MARCHF1: variants seen among roughly 807,000 people sequenced by gnomAD.
The protein encoded by MARCHF1 is E3 ubiquitin-protein ligase MARCHF1.
A neutral mutation model predicts 54.2 loss-of-function variants in MARCHF1; 40 were observed. That is an observed-to-expected ratio of 0.74 (90% CI 0.57 to 0.96). The LOEUF (loss-of-function observed/expected upper bound fraction) is 0.96. Among genes scored for constraint, MARCHF1 ranks in the 40% least tolerant of loss-of-function variants. The pLI, the probability that MARCHF1 is intolerant of heterozygous loss-of-function variation, is 0.00. For missense variants in MARCHF1, 586 were observed against 656.5 expected (o/e 0.89, Z 1.17); for synonymous variants, 236 against 236.3 (o/e 1.00, Z 0.01).
intron 9 of MARCHF1, among the ~76,000 whole-genome samples, chr4:163,544,349 C>A (rs1048208634): frequency 6.6e-6 from 1 of 151,982 alleles, no homozygotes; most frequent in Non-Finnish European, 1.5e-5. Flanking sequence ...TAAAAACAAC[C>A]CACAAAACCC....
intron 2 of MARCHF1, among the ~76,000 whole-genome samples, chr4:164,001,268 G>A (rs569557857): frequency 1.3e-5 from 2 of 151,786 alleles, no homozygotes; most frequent in South Asian, 4.1e-4. Flanking sequence ...TAATTTAAAA[G>A]CATGTGGTTA....
intron 1 of MARCHF1, among the ~76,000 whole-genome samples, chr4:164,124,503 T>C (rs1756139337): frequency 1.3e-5 from 2 of 152,152 alleles, no homozygotes; most frequent in South Asian, 2.1e-4. Context: ...GTGTTTATAA[T>C]AGCTAAGATT....
At chr4:163,820,633 C>T (rs1389700) in intron 4 of MARCHF1, among the ~76,000 whole-genome samples, 120,555 of 151,916 alleles carry the variant, frequency 0.79, 48,747 homozygotes, top group South Asian at 0.91. Flanking sequence ...TTCCAGACTA[C>T]TGTTCTTTAT....
chr4:163,839,049 CATA>C (rs1313827971), intron 4 of MARCHF1, among the ~76,000 whole-genome samples: 1 of 151,884 alleles, frequency 6.6e-6, no homozygotes, highest in Admixed American at 6.6e-5. Context: ...ACTCTGACAA[CATA>C]ATAATAGAAA....
rs74356108 is a variant in MARCHF1, at chr4:163,588,137, T to C, written c.1011-2208A>G. ...GCCATCTAAAGTCCCGGGGTGGAAG[T>C]GCTGGGATGAGAACACAGGGAAGGT... On this transcript the variant is annotated intron_variant, in intron 7 of 9. Transcript: ENST00000514618. 2.7e-3 allele frequency among the ~76,000 whole-genome samples: 413 copies of C among 152,240 alleles called. 4 individuals carry two copies. The highest frequency in any genetic ancestry group is 0.02 in the Middle Eastern group (6 of 294).
At chr4:164,249,558 T>C (rs898707737) in intron 1 of MARCHF1, among the ~76,000 whole-genome samples, 2 of 152,024 alleles carry the variant, frequency 1.3e-5, no homozygotes, top group African/African-American at 4.8e-5. Flanking sequence ...AAATTGAATT[T>C]TATTTTGTAG....
chr4:164,196,982 C>G (rs761638710), intron 1 of MARCHF1: 2 of 1,603,498 alleles, frequency 1.2e-6, no homozygotes, highest in African/African-American at 1.3e-5. Flanking sequence ...ACTTAGTCAT[C>G]ATCTTCTCCC....
At chr4:163,778,831 T>C (rs914221340) in intron 4 of MARCHF1, among the ~76,000 whole-genome samples, 2 of 151,860 alleles carry the variant, frequency 1.3e-5, no homozygotes, top group Admixed American at 6.6e-5. Flanking sequence ...TGTGGAGTAA[T>C]AGACAATAGA....
rs527378793 is a variant in MARCHF1 at position 163,875,703 on chromosome 4, T to C, written c.-38-21534A>G. ...CCAAACTATACAAAATATTTACTGA[T>C]GTGAACTGCCTAATTCGTATTTTGC... On this transcript the variant is annotated intron_variant, in intron 3 of 9. Transcript: ENST00000514618. Among the ~76,000 whole-genome samples the C allele has an allele frequency of 8.5e-5, 13 of 152,314 alleles. No individual in the cohort carries two copies. In the South Asian group the frequency reaches 2.5e-3, roughly 29 times the overall value.
At chr4:163,883,168 A>G (rs902100931) in intron 3 of MARCHF1, among the ~76,000 whole-genome samples, 2 of 151,916 alleles carry the variant, frequency 1.3e-5, no homozygotes, top group African/African-American at 4.8e-5. Context: ...GTTTCTCACC[A>G]TTGGAAATAA....
intron 3 of MARCHF1, among the ~76,000 whole-genome samples, chr4:163,893,170 C>T (rs571315063): frequency 2.6e-5 from 4 of 151,924 alleles, no homozygotes; most frequent in Admixed American, 6.6e-5. Flanking sequence ...GATGGAGTCT[C>T]ACTCTGTCAC....
chr4:164,113,616 G>T (rs1755880663), intron 1 of MARCHF1, among the ~76,000 whole-genome samples: 1 of 151,920 alleles, frequency 6.6e-6, no homozygotes. Context: ...TTGTATGAAT[G>T]ACTTAGGTGA....
chr4:164,037,261 G>A (rs1234369331), intron 2 of MARCHF1, among the ~76,000 whole-genome samples: 11 of 152,152 alleles, frequency 7.2e-5, no homozygotes, highest in South Asian at 2.1e-4. Context: ...TGAAAATTTG[G>A]AGATGTTGGC....
At chr4:164,231,587 A>G (rs1471083197) in intron 1 of MARCHF1, among the ~76,000 whole-genome samples, 2 of 152,134 alleles carry the variant, frequency 1.3e-5, no homozygotes, top group Non-Finnish European at 2.9e-5. Context: ...AAGTGAGAAA[A>G]CAGAATGAAG....
chr4:164,251,489 A>G (rs1314586763), intron 1 of MARCHF1, among the ~76,000 whole-genome samples: 2 of 152,178 alleles, frequency 1.3e-5, no homozygotes, highest in African/African-American at 4.8e-5. Flanking sequence ...GCCAAATTTT[A>G]GCCTCAGGCC....
Position 163,768,715 on chromosome 4 carries a change from C to T in MARCHF1, c.112-67852G>A, listed in dbSNP as rs76256786. On this transcript the variant is annotated intron_variant, in intron 4 of 9. Transcript: ENST00000514618. The stretch of plus-strand genomic sequence containing the variant: ...CTTATTAGAAATTTATTGAGTGTAA[C>T]CTTTTGCACTTTGTAATATGTTTCT... 8.5e-3 allele frequency among the ~76,000 whole-genome samples: 1,299 copies of T among 152,170 alleles called. 57 individuals carry two copies. In the East Asian group the frequency reaches 0.092, roughly 11 times the overall value.
chr4:164,340,827 C>G (rs183808001), intron 1 of MARCHF1, among the ~76,000 whole-genome samples: 7 of 150,402 alleles, frequency 4.7e-5, no homozygotes, highest in African/African-American at 1.7e-4. Flanking sequence ...CAAAGTACTA[C>G]GATTACAGGT....
chr4:164,375,425 T>C (rs2110970778), intron 1 of MARCHF1, among the ~76,000 whole-genome samples: 1 of 152,330 alleles, frequency 6.6e-6, no homozygotes, highest in East Asian at 1.9e-4. Context: ...CACCATGAGC[T>C]GGAACAAATA....
At chr4:164,317,117 G>T (rs979676678) in intron 1 of MARCHF1, among the ~76,000 whole-genome samples, 2 of 152,094 alleles carry the variant, frequency 1.3e-5, no homozygotes, top group Non-Finnish European at 1.5e-5. Flanking sequence ...TTGAAGATGT[G>T]AAAAGTGACA....
Sources: allele counts gnomAD v4.1 joint callset (sites outside exome capture counted in the v4.1 genomes callset), GRCh38; gene constraint gnomAD v4.1.1; transcripts MANE v1.5; gene names NCBI Gene and HGNC (gene_info 2026-07-23, HGNC 2026-07-21).